LRRTM4: variants seen among roughly 807,000 people sequenced by gnomAD.
LRRTM4 encodes leucine-rich repeat transmembrane neuronal protein 4.
In LRRTM4, 25 loss-of-function variants were observed where a neutral mutation model predicts 47.6. The ratio of observed to expected loss-of-function variants is 0.53; its 90% CI spans 0.38 to 0.73. The LOEUF is 0.73. Among genes scored for constraint, LRRTM4 ranks in the 30% least tolerant of loss-of-function variants. The pLI is 0.00. For missense variants in LRRTM4, 638 were observed against 713.4 expected (o/e 0.89, Z 1.20); for synonymous variants, 311 against 269.5 (o/e 1.15, Z -1.51).
At chr2:77,265,377 A>C (rs1242620501) in intron 3 of LRRTM4, among the ~76,000 whole-genome samples, 2 of 152,072 alleles carry the variant, frequency 1.3e-5, no homozygotes, top group African/African-American at 4.8e-5. Context: ...AAACAAATTA[A>C]TGCTAGTATT....
At chr2:77,486,611 A>T (rs781560027) in intron 3 of LRRTM4, among the ~76,000 whole-genome samples, 5 of 152,240 alleles carry the variant, frequency 3.3e-5, no homozygotes, top group Admixed American at 6.5e-5. Context: ...AACACAGGAC[A>T]TACCAGTTAT....
At chr2:76,799,901 A>T (rs370856429) in intron 3 of LRRTM4, among the ~76,000 whole-genome samples, 49 of 150,082 alleles carry the variant, frequency 3.3e-4, no homozygotes, top group Middle Eastern at 6.8e-3. Flanking sequence ...ACAAGGGATG[A>T]GAAGGACCTC....
chr2:76,774,128 A>G (rs948593566), intron 3 of LRRTM4, among the ~76,000 whole-genome samples: 4 of 152,210 alleles, frequency 2.6e-5, no homozygotes, highest in Non-Finnish European at 2.9e-5. Context: ...TGTATATTAT[A>G]TGCATTATAT....
chr2:77,364,391 G>A (rs866837971), intron 3 of LRRTM4, among the ~76,000 whole-genome samples: 2 of 152,070 alleles, frequency 1.3e-5, no homozygotes, highest in Admixed American at 1.3e-4. Context: ...ACAGGAAATT[G>A]TGGACTCAAG....
intron 3 of LRRTM4, among the ~76,000 whole-genome samples, chr2:77,116,724 A>ATTTT (rs1362793131): frequency 6.6e-6 from 1 of 151,656 alleles, no homozygotes. Flanking sequence ...ATTTTTTTCC[A>ATTTT]TTTTTTCCCA....
intron 3 of LRRTM4, among the ~76,000 whole-genome samples, chr2:77,461,960 C>T (rs966670610): frequency 1.3e-5 from 2 of 152,128 alleles, no homozygotes; most frequent in African/African-American, 4.8e-5. Flanking sequence ...GTCCATAACA[C>T]TTGAGCATTT....
chr2:77,038,916 T>C (rs1465618161), intron 3 of LRRTM4, among the ~76,000 whole-genome samples: 1 of 151,386 alleles, frequency 6.6e-6, no homozygotes, highest in Non-Finnish European at 1.5e-5. Flanking sequence ...CTTGTGGCAT[T>C]GCTCTTATTA....
chr2:77,267,353 C>T (rs1009549540), intron 3 of LRRTM4, among the ~76,000 whole-genome samples: 2 of 152,156 alleles, frequency 1.3e-5, no homozygotes, highest in African/African-American at 4.8e-5. Flanking sequence ...GATCAAGGCA[C>T]CTGCAGGTTT....
intron 3 of LRRTM4, among the ~76,000 whole-genome samples, chr2:77,344,297 C>T (rs1474277248): frequency 2.6e-5 from 4 of 151,788 alleles, no homozygotes; most frequent in Non-Finnish European, 5.9e-5. Context: ...AGACTATAAA[C>T]AGCCATTACA....
At chr2:76,779,424 G>C (rs1428594846) in intron 3 of LRRTM4, among the ~76,000 whole-genome samples, 1 of 149,440 alleles carries the variant, frequency 6.7e-6, no homozygotes, top group Non-Finnish European at 1.5e-5. Flanking sequence ...CTCAGGACTT[G>C]CTTTATGAAT....
At chr2:77,066,662 G>A (rs570813887) in intron 3 of LRRTM4, among the ~76,000 whole-genome samples, 1 of 152,278 alleles carries the variant, frequency 6.6e-6, no homozygotes, top group East Asian at 1.9e-4. Context: ...GTAGAGAGAG[G>A]TATACAAATC....
At chr2:77,004,683 G>A (rs185985475) in intron 3 of LRRTM4, among the ~76,000 whole-genome samples, 1 of 152,214 alleles carries the variant, frequency 6.6e-6, no homozygotes, top group Non-Finnish European at 1.5e-5. Context: ...CCCTAGAATG[G>A]TAGATCCACT....
chr2:77,517,279 AT>A, intron 3 of LRRTM4: 1 of 983,224 alleles, frequency 1.0e-6, no homozygotes, highest in Non-Finnish European at 1.2e-6. Flanking sequence ...CAAAAATAAT[AT>A]AACATGGAAG....
At chr2:77,293,997 C>A (rs1676901091) in intron 3 of LRRTM4, among the ~76,000 whole-genome samples, 1 of 152,066 alleles carries the variant, frequency 6.6e-6, no homozygotes, top group South Asian at 2.1e-4. Context: ...GCATCGTGGT[C>A]TAGACCAGCC....
intron 3 of LRRTM4, among the ~76,000 whole-genome samples, chr2:76,807,726 G>A (rs1670571207): frequency 6.7e-6 from 1 of 150,374 alleles, no homozygotes; most frequent in Admixed American, 6.7e-5. Context: ...CGAGTAGTTG[G>A]GATTACAGGC....
In LRRTM4 at chr2:77,010,116, CAT is replaced by C. The variant is rs570744118; in HGVS notation, c.1552-261202_1552-261201del. 2.2e-3 allele frequency among the ~76,000 whole-genome samples: 337 copies of C among 151,990 alleles called. 5 individuals are homozygous for C. The highest frequency in any genetic ancestry group is 6.8e-3 in the African/African-American group (284 of 41,506). ...AAGCTATTTAACATGTGCATTATCTCATAGAAGTATCTATTTTTGTGGTGAGA... is the reference window on the plus strand; with the variant it reads ...AAGCTATTTAACATGTGCATTATCTCAGAAGTATCTATTTTTGTGGTGAGA... On this transcript the variant is annotated intron_variant, in intron 3 of 3. Coordinates refer to ENST00000409884, the MANE Select transcript of LRRTM4 (RefSeq NM_001134745.3).
chr2:77,355,945 T>C (rs970109404), intron 3 of LRRTM4, among the ~76,000 whole-genome samples: 4 of 152,108 alleles, frequency 2.6e-5, no homozygotes, highest in Admixed American at 2.6e-4. Flanking sequence ...ACAAAAAAAT[T>C]AGCTGGGCAT....
chr2:77,363,096 G>T lies in LRRTM4; in HGVS notation c.1551+155222C>A, dbSNP rs929391319. On this transcript the variant is annotated intron_variant, in intron 3 of 3. Transcript: ENST00000409884. ...GTAAGGGTTAAGCAACAAAGGTGAG[G>T]ATTGGAAGCCAGGAAGTTTACTTCG... Among the ~76,000 whole-genome samples the T allele has an allele frequency of 2.6e-5, 4 of 152,294 alleles. No individual in the cohort carries two copies. In the East Asian group the frequency reaches 7.7e-4, roughly 29 times the overall value.
chr2:76,860,902 A>G (rs1268736707), intron 3 of LRRTM4, among the ~76,000 whole-genome samples: 2 of 152,036 alleles, frequency 1.3e-5, no homozygotes, highest in Non-Finnish European at 2.9e-5. Flanking sequence ...AAAAAAAAGC[A>G]TAGTATCAGA....
Sources: gnomAD v4.1 joint callset for allele counts (sites outside exome capture counted in the v4.1 genomes callset) on GRCh38, gnomAD v4.1.1 for gene constraint, MANE v1.5 for transcripts, NCBI Gene and HGNC (gene_info 2026-07-23, HGNC 2026-07-21) for gene names.